Variants in FSTL5 observed in about 807,000 individuals in gnomAD.
FSTL5 encodes the protein follistatin like 5, also known as follistatin-related protein 5.
In FSTL5, 62 loss-of-function variants were observed where a neutral mutation model predicts 89.1. The ratio of observed to expected loss-of-function variants is 0.70; its 90% CI spans 0.57 to 0.86. FSTL5 has a LOEUF of 0.86. Ranked by LOEUF, FSTL5 falls within the 40% of genes least tolerant of loss-of-function variation. The pLI, the probability that FSTL5 is intolerant of heterozygous loss-of-function variation, is 0.00. For missense variants in FSTL5, 1,057 were observed against 1,001.6 expected, an observed-to-expected ratio of 1.06 and a Z score of -0.75; for synonymous variants, 383 against 346.2, an observed-to-expected ratio of 1.11 and a Z score of -1.18.
chr4:161,946,230 T>C (rs775737005), intron 3 of FSTL5, among the ~76,000 whole-genome samples: 9 of 152,194 alleles, frequency 5.9e-5, no homozygotes, highest in Non-Finnish European at 7.4e-5. Flanking sequence ...TCTCCAATCT[T>C]GTCTGGTGCC....
At chr4:161,588,508 A>G (rs561197414) in intron 7 of FSTL5, among the ~76,000 whole-genome samples, 2 of 152,274 alleles carry the variant, frequency 1.3e-5, no homozygotes, top group East Asian at 3.9e-4. Context: ...AAGGAAGAAA[A>G]AAACTTGCAC....
intron 6 of FSTL5, among the ~76,000 whole-genome samples, chr4:161,658,454 G>A (rs1392407423): frequency 5.4e-5 from 8 of 148,404 alleles, no homozygotes; most frequent in Admixed American, 2.0e-4. Context: ...GTGAGAATCC[G>A]TCTCAAAAAA....
intron 6 of FSTL5, among the ~76,000 whole-genome samples, chr4:161,718,831 C>G (rs750112151): frequency 1.3e-5 from 2 of 152,178 alleles, no homozygotes; most frequent in Non-Finnish European, 1.5e-5. Context: ...ATTAACACCA[C>G]AGCAACTATA....
intron 4 of FSTL5, among the ~76,000 whole-genome samples, chr4:161,888,529 A>C (rs961437272): frequency 6.6e-6 from 1 of 152,194 alleles, no homozygotes; most frequent in African/African-American, 2.4e-5. Flanking sequence ...GGTATTATAC[A>C]TATATTATTT....
At chr4:161,872,237 C>T (rs1244718356) in intron 4 of FSTL5, among the ~76,000 whole-genome samples, 10 of 144,696 alleles carry the variant, frequency 6.9e-5, no homozygotes, top group Non-Finnish European at 1.5e-4. Context: ...CCCAAAAGTA[C>T]TGGGATTATA....
intron 13 of FSTL5, among the ~76,000 whole-genome samples, chr4:161,478,622 T>C (rs1413393671): frequency 1.3e-5 from 2 of 151,984 alleles, no homozygotes; most frequent in African/African-American, 4.8e-5. Context: ...AGGTGTTAAA[T>C]TGAACATGGA....
At chr4:161,647,841 G>A (rs1736203602) in intron 7 of FSTL5, among the ~76,000 whole-genome samples, 1 of 151,734 alleles carries the variant, frequency 6.6e-6, no homozygotes. Context: ...AAAACCACCT[G>A]GCCTGCTACG....
intron 12 of FSTL5, among the ~76,000 whole-genome samples, chr4:161,495,970 A>G (rs1387967721): frequency 1.3e-5 from 2 of 152,172 alleles, no homozygotes; most frequent in Admixed American, 1.3e-4. Context: ...TAATAGATCC[A>G]TGAGGTTAGA....
intron 2 of FSTL5, among the ~76,000 whole-genome samples, chr4:162,099,760 A>G (rs975701326): frequency 6.6e-6 from 1 of 152,250 alleles, no homozygotes; most frequent in Non-Finnish European, 1.5e-5. Context: ...TAAAATGGGC[A>G]AAAGAGCTGA....
chr4:161,879,692 G>T (rs192743237), intron 4 of FSTL5, among the ~76,000 whole-genome samples: 6 of 152,136 alleles, frequency 3.9e-5, no homozygotes, highest in Admixed American at 2.0e-4. Context: ...TTATTTTCCT[G>T]TATGTGACTT....
At chr4:161,899,829 C>T (rs1733293906) in intron 4 of FSTL5, among the ~76,000 whole-genome samples, 1 of 152,144 alleles carries the variant, frequency 6.6e-6, no homozygotes, top group Non-Finnish European at 1.5e-5. Context: ...ATTTAGTGAA[C>T]ATGTAACCAG....
chr4:162,095,214 G>T (rs1472345827), intron 2 of FSTL5, among the ~76,000 whole-genome samples: 2 of 152,074 alleles, frequency 1.3e-5, no homozygotes, highest in South Asian at 4.1e-4. Flanking sequence ...GAGAGGCCAA[G>T]TCTGCTGATA....
intron 4 of FSTL5, among the ~76,000 whole-genome samples, chr4:161,912,422 C>T (rs569856129): frequency 1.9e-4 from 29 of 152,100 alleles, no homozygotes; most frequent in Non-Finnish European, 3.4e-4. Flanking sequence ...GCCAGTCTTT[C>T]CTGTGCTATT....
chr4:161,961,613 C>A (rs368470763), intron 3 of FSTL5, among the ~76,000 whole-genome samples: 3 of 151,318 alleles, frequency 2.0e-5, no homozygotes, highest in South Asian at 4.2e-4. Flanking sequence ...TATTAAACAT[C>A]ACTTCATAAT....
At chr4:161,966,076 C>A (rs904516445) in intron 3 of FSTL5, among the ~76,000 whole-genome samples, 2 of 151,978 alleles carry the variant, frequency 1.3e-5, no homozygotes, top group African/African-American at 4.8e-5. Flanking sequence ...TTTCTTATTG[C>A]CACAAAGACA....
intron 1 of FSTL5, among the ~76,000 whole-genome samples, chr4:162,153,301 C>T (rs1169858967): frequency 6.6e-6 from 1 of 151,952 alleles, no homozygotes; most frequent in Non-Finnish European, 1.5e-5. Context: ...TAATGGGTTC[C>T]TCAGAATGGC....
At chr4:161,771,102 A>G (rs182655685) in intron 5 of FSTL5, among the ~76,000 whole-genome samples, 5 of 152,220 alleles carry the variant, frequency 3.3e-5, no homozygotes, top group African/African-American at 1.2e-4. Flanking sequence ...TTACTAGCAT[A>G]AAGTTGTGCA....
At chr4:161,487,808 T>C (rs1162177782) in intron 12 of FSTL5, among the ~76,000 whole-genome samples, 2 of 152,092 alleles carry the variant, frequency 1.3e-5, no homozygotes, top group Admixed American at 1.3e-4. Context: ...GTTCAGTTTA[T>C]CAAATGCAAG....
chr4:161,787,131 G>GT (rs1440700256), intron 4 of FSTL5, among the ~76,000 whole-genome samples: 2 of 152,018 alleles, frequency 1.3e-5, no homozygotes, highest in African/African-American at 4.8e-5. Context: ...TAGAAATTCA[G>GT]TTTCTAATGT....
Sources: allele counts gnomAD v4.1 joint callset (sites outside exome capture counted in the v4.1 genomes callset), GRCh38; gene constraint gnomAD v4.1.1; transcripts MANE v1.5; gene names NCBI Gene and HGNC (gene_info 2026-07-23, HGNC 2026-07-21).